BTBD10: variants seen among roughly 807,000 people sequenced by gnomAD.
BTBD10 encodes the protein BTB domain containing 10, also known as BTB/POZ domain-containing protein 10.
Under a neutral mutation model 53.2 loss-of-function variants are expected in BTBD10, and 21 were observed. That is an observed-to-expected ratio of 0.39 (90% CI 0.28 to 0.57). The LOEUF is 0.57. Ranked by LOEUF, BTBD10 falls within the 20% of genes least tolerant of loss-of-function variation. The probability of loss-of-function intolerance (pLI) is 0.53; values close to 1 mark genes in which losing one functional copy is unlikely to be tolerated. For missense variants in BTBD10, 360 were observed against 594.7 expected (o/e 0.61, Z 4.10); for synonymous variants, 149 against 192.7 (o/e 0.77, Z 1.88).
chr11:13,416,445 A>G (rs750214294), intron 5 of BTBD10, among the ~76,000 whole-genome samples: 11 of 152,190 alleles, frequency 7.2e-5, no homozygotes, highest in South Asian at 2.1e-4. Context: ...AGATGTTTCT[A>G]AGTTTCCACA....
At chr11:13,432,642 TA>T (rs1950470608) in intron 2 of BTBD10, among the ~76,000 whole-genome samples, 1 of 151,552 alleles carries the variant, frequency 6.6e-6, no homozygotes, top group Non-Finnish European at 1.5e-5. Flanking sequence ...TTCAGTAACA[TA>T]AAAAATGTAT....
At chr11:13,392,725 G>A (rs920190530) in intron 8 of BTBD10, among the ~76,000 whole-genome samples, 2 of 152,094 alleles carry the variant, frequency 1.3e-5, no homozygotes, top group African/African-American at 4.8e-5. Flanking sequence ...AGGATGCAGA[G>A]GGTAGAATAA....
At chr11:13,423,553 G>A (rs1950282546) in intron 2 of BTBD10, among the ~76,000 whole-genome samples, 2 of 152,116 alleles carry the variant, frequency 1.3e-5, no homozygotes, top group Non-Finnish European at 2.9e-5. Flanking sequence ...TAGTAGAAAC[G>A]CTAATAACAC....
Position 13,388,821 on chromosome 11 carries a change from A to G in BTBD10, c.*10T>C, listed in dbSNP as rs1949327677. On this transcript the variant is annotated 3_prime_UTR_variant, in exon 9 of 9. Coordinates refer to ENST00000278174, the MANE Select transcript of BTBD10 (RefSeq NM_032320.7). ...AGAGTAGCATGCTATGGTTTCAAGG[A>G]AGATCAGCATCACAGCATTGGATTC... 16 of 1,603,898 alleles carry G rather than the reference A, an allele frequency of 1.0e-5. No homozygotes were observed. The highest frequency in any genetic ancestry group is 1.1e-5 in the Non-Finnish European group (13 of 1,173,318).
At position 13,398,903 on chromosome 11, in the gene BTBD10, G is replaced by A. The variant is rs191105937; in HGVS notation, c.1117+4265C>T. Among the ~76,000 whole-genome samples the A allele has an allele frequency of 8.4e-3, 1,284 of 152,328 alleles. 8 individuals are homozygous for A. Among genetic ancestry groups the A allele is most frequent in the South Asian group, 0.028 (133 of 4,816 alleles). On this transcript the variant is annotated intron_variant, in intron 8 of 8. Coordinates refer to ENST00000278174, the MANE Select transcript of BTBD10 (RefSeq NM_032320.7). Reference sequence around the variant, plus strand: ...TCTTCTGGCTTGTAGAGTTTCTGCTGAGAGATCAGCTGTTAGTCTGATGGG... The same window carrying A: ...TCTTCTGGCTTGTAGAGTTTCTGCTAAGAGATCAGCTGTTAGTCTGATGGG...
chr11:13,458,682 C>G (rs1951024641), intron 1 of BTBD10, among the ~76,000 whole-genome samples: 1 of 152,172 alleles, frequency 6.6e-6, no homozygotes, highest in Admixed American at 6.5e-5. Flanking sequence ...ACCAGTCTCT[C>G]TAATAATTAT....
At chr11:13,440,290 C>T (rs1376780394) in intron 2 of BTBD10, 2 of 1,166,088 alleles carry the variant, frequency 1.7e-6, no homozygotes, top group South Asian at 1.9e-5. Flanking sequence ...GAGCTGTGAT[C>T]GTCCCATTTC....
intron 2 of BTBD10, among the ~76,000 whole-genome samples, chr11:13,429,261 A>C (rs2133991040): frequency 6.6e-6 from 1 of 152,314 alleles, no homozygotes; most frequent in Non-Finnish European, 1.5e-5. Flanking sequence ...ATGGAAAACC[A>C]AGTAGGCTTG....
At position 13,455,031 on chromosome 11, in the gene BTBD10, C is replaced by T. The variant is rs192156590; in HGVS notation, c.-58+8061G>A. Among the ~76,000 whole-genome samples, 511 of 152,346 alleles carry T rather than the reference C, an allele frequency of 3.4e-3. 2 individuals are homozygous for T. Among genetic ancestry groups the T allele is most frequent in the African/African-American group, 0.012 (495 of 41,580 alleles). Reference sequence around the variant, plus strand: ...GTTCAAGCAATTCTCCTTCCTCAGCCTCCCAAGTAGCTGGGATTACAGGCG... The same window carrying T: ...GTTCAAGCAATTCTCCTTCCTCAGCTTCCCAAGTAGCTGGGATTACAGGCG... On this transcript the variant is annotated intron_variant, in intron 1 of 8. Coordinates refer to ENST00000278174, the MANE Select transcript of BTBD10 (RefSeq NM_032320.7).
chr11:13,460,548 T>G (rs76563425), intron 1 of BTBD10, among the ~76,000 whole-genome samples: 1 of 152,232 alleles, frequency 6.6e-6, no homozygotes, highest in East Asian at 1.9e-4. Flanking sequence ...AACTCTACTA[T>G]GTATAAGGCA....
rs1951026916 is a variant in BTBD10 at position 13,458,833 on chromosome 11, T to G, written c.-58+4259A>C. On this transcript the variant is annotated intron_variant, in intron 1 of 8. Coordinates refer to ENST00000278174, the MANE Select transcript of BTBD10 (RefSeq NM_032320.7). The stretch of plus-strand genomic sequence containing the variant: ...CAAATGAATAGCTGAAAGAAACAGA[T>G]CATATCGCTTGCTTTCTTGATGTGA... Among the ~76,000 whole-genome samples, 3 of 152,258 alleles carry G rather than the reference T, an allele frequency of 2.0e-5. No homozygotes were observed. In the South Asian group the frequency reaches 6.2e-4, roughly 32 times the overall value.
At chr11:13,454,440 A>G (rs1221431410) in intron 1 of BTBD10, among the ~76,000 whole-genome samples, 2 of 152,248 alleles carry the variant, frequency 1.3e-5, no homozygotes, top group Admixed American at 6.5e-5. Flanking sequence ...AGCCCTTTCA[A>G]TTGTTAAGGC....
chr11:13,396,418 T>C (rs1949553047), intron 8 of BTBD10, among the ~76,000 whole-genome samples: 2 of 152,382 alleles, frequency 1.3e-5, no homozygotes, highest in South Asian at 4.1e-4. Flanking sequence ...TGAAGTTGCT[T>C]ATCAGCTTAA....
At chr11:13,441,082 T>C (rs1171717884) in intron 2 of BTBD10, among the ~76,000 whole-genome samples, 2 of 151,984 alleles carry the variant, frequency 1.3e-5, no homozygotes, top group Non-Finnish European at 2.9e-5. Context: ...CAGAAACAAG[T>C]TGAGCAACTT....
chr11:13,434,806 C>A (rs762941390), intron 2 of BTBD10, among the ~76,000 whole-genome samples: 7 of 151,282 alleles, frequency 4.6e-5, no homozygotes, highest in Non-Finnish European at 8.9e-5. Context: ...GGCAGAGTTA[C>A]GTGGTAGAGT....
chr11:13,407,724 T>G (rs1949861667), intron 6 of BTBD10, among the ~76,000 whole-genome samples: 1 of 152,184 alleles, frequency 6.6e-6, no homozygotes, highest in African/African-American at 2.4e-5. Flanking sequence ...CTAGCTCCCC[T>G]CCCCTTTAAT....
chr11:13,456,572 C>T (rs560662553), intron 1 of BTBD10, among the ~76,000 whole-genome samples: 13 of 151,946 alleles, frequency 8.6e-5, no homozygotes, highest in Middle Eastern at 6.8e-3. Flanking sequence ...GCAAAAAGCA[C>T]AGAAAAAAAT....
chr11:13,434,794 A>ACTGGTAGTGACT (rs543928323), intron 2 of BTBD10, among the ~76,000 whole-genome samples: 1,616 of 152,338 alleles, frequency 0.011, 10 homozygotes, highest in Non-Finnish European at 0.017. Context: ...GACCAGTGTT[A>ACTGGTAGTGACT]TGGCAGAGTT....
chr11:13,392,500 TGAGTAAATTCTACTCTTTAATAAA>T (rs2135731531), intron 8 of BTBD10, among the ~76,000 whole-genome samples: 1 of 152,252 alleles, frequency 6.6e-6, no homozygotes, highest in East Asian at 1.9e-4. Flanking sequence ...AGGACAGCCA[TGAGTAAATTCTACTCTTTAATAAA>T]GAGTAAATTA....
Sources: gnomAD v4.1 joint callset for allele counts (sites outside exome capture counted in the v4.1 genomes callset) on GRCh38, gnomAD v4.1.1 for gene constraint, MANE v1.5 for transcripts, NCBI Gene and HGNC (gene_info 2026-07-23, HGNC 2026-07-21) for gene names.